The following RANBP9 variants were observed in gnomAD, a reference collection of about 807,000 sequenced individuals.
RANBP9 encodes the protein ran-binding protein 9.
RANBP9 carries 15 observed loss-of-function variants against 84.3 expected under a neutral mutation model. The ratio of observed to expected loss-of-function variants is 0.18; its 90% confidence interval spans 0.12 to 0.27. The LOEUF is 0.27. Ranked by LOEUF, RANBP9 falls within the 10% of genes least tolerant of loss-of-function variation. The pLI is 1.00. For synonymous variants in RANBP9, 392 were observed against 349.6 expected (o/e 1.12, Z -1.35); for missense variants, 809 against 912.8 (o/e 0.89, Z 1.46).
chr6:13,635,986 G>C (rs943317605), intron 10 of RANBP9, among the ~76,000 whole-genome samples: 1 of 152,046 alleles, frequency 6.6e-6, no homozygotes, highest in Non-Finnish European at 1.5e-5. Context: ...ATATTACAGA[G>C]TAATTATGAT....
At chr6:13,634,084 T>G (rs949496442) in intron 11 of RANBP9, among the ~76,000 whole-genome samples, 1 of 152,192 alleles carries the variant, frequency 6.6e-6, no homozygotes, top group African/African-American at 2.4e-5. Context: ...ATCTAACCAT[T>G]TGGCCTTACT....
chr6:13,710,839 G>A lies in RANBP9; in HGVS notation c.571+96C>T, dbSNP rs560344695. The A allele has an allele frequency of 1.0e-5, 14 of 1,356,846 alleles. No homozygotes were observed. The African/African-American group carries it at 2.1e-4, about 21-fold the overall frequency. The allele number at this position is 1,356,846 out of a possible 1,614,324, so 84.1% of individuals were successfully genotyped here. On this transcript the variant is annotated intron_variant, in intron 1 of 13. Coordinates refer to ENST00000011619, the MANE Select transcript of RANBP9 (RefSeq NM_005493.3). ...AGTGGCCTCCGAGGGCAGAGCCCGC[G>A]AGGGCGGGGGTCGGGGGCGGGTCGA...
At chr6:13,660,036 G>A (rs942234604) in intron 2 of RANBP9, among the ~76,000 whole-genome samples, 1 of 152,200 alleles carries the variant, frequency 6.6e-6, no homozygotes, top group Admixed American at 6.5e-5. Flanking sequence ...TTCTGGCAAA[G>A]TGACTACATG....
chr6:13,675,616 A>C (rs1275320183), intron 2 of RANBP9, among the ~76,000 whole-genome samples: 2 of 151,918 alleles, frequency 1.3e-5, no homozygotes, highest in Non-Finnish European at 2.9e-5. Context: ...GAAATGAGAA[A>C]TAGAGATAGC....
intron 2 of RANBP9, among the ~76,000 whole-genome samples, chr6:13,685,839 G>A (rs952366975): frequency 6.6e-6 from 1 of 151,234 alleles, no homozygotes; most frequent in Non-Finnish European, 1.5e-5. Flanking sequence ...GCTGAGGTGG[G>A]AGAATTGCTT....
chr6:13,668,815 G>T (rs545460186), intron 2 of RANBP9, among the ~76,000 whole-genome samples: 1 of 152,168 alleles, frequency 6.6e-6, no homozygotes, highest in African/African-American at 2.4e-5. Context: ...TTGACCTTAA[G>T]ATTAGGGACA....
chr6:13,640,071 G>A (rs1765028935), intron 8 of RANBP9, among the ~76,000 whole-genome samples: 1 of 152,076 alleles, frequency 6.6e-6, no homozygotes, highest in African/African-American at 2.4e-5. Context: ...AATAACATTT[G>A]CGCTTGGTAG....
At chr6:13,658,961 T>A in intron 2 of RANBP9, 129 bp from the exon 3 acceptor site, 1 of 760,096 alleles carries the variant, frequency 1.3e-6, no homozygotes, top group Non-Finnish European at 2.3e-6. Context: ...CAACAAAAAT[T>A]TTATTACAAT....
In RANBP9 at chr6:13,623,926, TAAG is replaced by T. The variant is rs145622944; in HGVS notation, c.2060-1437_2060-1435del. Among the ~76,000 whole-genome samples the T allele has an allele frequency of 5.7e-3, 875 of 152,322 alleles. 3 individuals are homozygous for T. Among genetic ancestry groups the T allele is most frequent in the African/African-American group, 0.02 (812 of 41,578 alleles). ...TTGAAGAACTCAAGAAACTAAATTG[TAAG>T]AAAACTGGTCACTTTAAAGATTAGT... On this transcript the variant is annotated intron_variant, in intron 13 of 13. Transcript: ENST00000011619.
chr6:13,665,231 A>G (rs1324827595), intron 2 of RANBP9, among the ~76,000 whole-genome samples: 1 of 152,180 alleles, frequency 6.6e-6, no homozygotes, highest in Non-Finnish European at 1.5e-5. Flanking sequence ...CACAAAAAGG[A>G]AGACCCATAA....
chr6:13,705,868 C>CAAAAAAAAAAAAAAAAAAAAA lies in RANBP9; in HGVS notation c.571+5066_571+5067insTTTTTTTTTTTTTTTTTTTTT, dbSNP rs767070995. Among the ~76,000 whole-genome samples, 479 of 76,586 alleles carry CAAAAAAAAAAAAAAAAAAAAA rather than the reference C, an allele frequency of 6.3e-3. 12 individuals are homozygous for CAAAAAAAAAAAAAAAAAAAAA. Among genetic ancestry groups the CAAAAAAAAAAAAAAAAAAAAA allele is most frequent in the Non-Finnish European group, 7.8e-3 (313 of 40,238 alleles). 50.2% of individuals were successfully genotyped at this position (76,586 alleles called of 152,430 possible). On this transcript the variant is annotated intron_variant, in intron 1 of 13. Transcript: ENST00000011619. ...TGGGCGACAGAGCAAGACTCCGTCT[C>CAAAAAAAAAAAAAAAAAAAAA]AAAAAAAAAAAAAAAAAAGAAACAT...
intron 13 of RANBP9, among the ~76,000 whole-genome samples, chr6:13,625,059 C>G (rs1315069473): frequency 4.6e-5 from 7 of 152,222 alleles, no homozygotes; most frequent in Admixed American, 4.6e-4. Context: ...TTGAGCTTCT[C>G]TGATATTCAA....
intron 2 of RANBP9, among the ~76,000 whole-genome samples, chr6:13,695,460 C>G (rs1024193884): frequency 9.7e-5 from 13 of 134,514 alleles, no homozygotes; most frequent in African/African-American, 3.8e-4. Flanking sequence ...AATTTAAATG[C>G]CTGTGGGACA....
intron 5 of RANBP9, 102 bp from the exon 6 acceptor site, chr6:13,644,831 A>G: frequency 2.1e-6 from 2 of 943,774 alleles, no homozygotes; most frequent in Non-Finnish European, 2.9e-6. Context: ...AATTTACTTC[A>G]TATTTTAAAA....
intron 1 of RANBP9, among the ~76,000 whole-genome samples, chr6:13,701,348 A>G (rs1757965014): frequency 6.6e-6 from 1 of 152,206 alleles, no homozygotes; most frequent in South Asian, 2.1e-4. Context: ...TGCTACCAAC[A>G]ATATTTTTAG....
intron 1 of RANBP9, among the ~76,000 whole-genome samples, chr6:13,707,842 T>C (rs1758166719): frequency 6.6e-6 from 1 of 152,256 alleles, no homozygotes; most frequent in African/African-American, 2.4e-5. Flanking sequence ...TTTCCCGTTA[T>C]CATTATAACT....
chr6:13,623,137 A>C (rs1487841291), intron 13 of RANBP9, among the ~76,000 whole-genome samples: 1 of 152,220 alleles, frequency 6.6e-6, no homozygotes, highest in East Asian at 1.9e-4. Context: ...TTTCTTTGTC[A>C]GACATTTGTA....
intron 2 of RANBP9, among the ~76,000 whole-genome samples, chr6:13,689,830 C>A (rs1014997597): frequency 2.6e-5 from 4 of 152,182 alleles, no homozygotes; most frequent in African/African-American, 9.7e-5. Context: ...CATACATGGT[C>A]TCATTTCTAA....
At chr6:13,709,925 C>G (rs1245732814) in intron 1 of RANBP9, among the ~76,000 whole-genome samples, 1 of 152,220 alleles carries the variant, frequency 6.6e-6, no homozygotes, top group Non-Finnish European at 1.5e-5. Flanking sequence ...AATGTAAAAG[C>G]TTCTGCTTTA....
Sources: allele counts gnomAD v4.1 joint callset (sites outside exome capture counted in the v4.1 genomes callset), GRCh38; gene constraint gnomAD v4.1.1; transcripts MANE v1.5; gene names NCBI Gene and HGNC (gene_info 2026-07-23, HGNC 2026-07-21).